Variants in NAV1 observed in about 807,000 individuals in gnomAD.
NAV1 encodes the protein neuron navigator 1.
NAV1 carries 18 observed loss-of-function variants against 175.2 expected under a neutral mutation model. The ratio of observed to expected loss-of-function variants is 0.10; its 90% CI spans 0.07 to 0.15. NAV1 has a LOEUF of 0.15. Ranked by LOEUF, NAV1 falls within the 10% of genes least tolerant of loss-of-function variation. The probability of loss-of-function intolerance (pLI) is 1.00; values close to 1 mark genes in which losing one functional copy is unlikely to be tolerated. For missense variants in NAV1, 1,731 were observed against 2,436.6 expected, an observed-to-expected ratio of 0.71 and a Z score of 6.10; for synonymous variants, 897 against 978.7, an observed-to-expected ratio of 0.92 and a Z score of 1.56.
exon 30 of NAV1, chr1:201,821,532 AC>A: frequency 6.6e-6 from 1 of 152,490 alleles, no homozygotes. Flanking sequence ...ACACACACAC[AC>A]ACACACACAC....
chr1:201,623,269 A>G (rs1477109787), exon 1 of NAV1: 19 of 985,934 alleles, frequency 1.9e-5, no homozygotes, highest in Non-Finnish European at 2.3e-5. Context: ...CACCCAGGGA[A>G]AGAAGAAAAA....
intron 1 of NAV1, among the ~76,000 whole-genome samples, chr1:201,708,835 G>T (rs1178476199): frequency 6.6e-6 from 1 of 152,200 alleles, no homozygotes; most frequent in East Asian, 1.9e-4. Context: ...AGCCTCCAGG[G>T]CATCTCAACT....
At chr1:201,821,505 G>GACAGAC (rs1417002342) in exon 30 of NAV1, 2 of 144,562 alleles carry the variant, frequency 1.4e-5, no homozygotes, top group African/African-American at 5.2e-5. Flanking sequence ...GGTTAAAACA[G>GACAGAC]ACACACACAC....
intron 1 of NAV1, among the ~76,000 whole-genome samples, chr1:201,624,239 A>G (rs1558023896): frequency 6.6e-6 from 1 of 151,888 alleles, no homozygotes; most frequent in Non-Finnish European, 1.5e-5. Context: ...TGGCCAGTCC[A>G]GTATTCACAA....
At chr1:201,629,725 A>G (rs1450629860) in intron 2 of NAV1, among the ~76,000 whole-genome samples, 1 of 152,204 alleles carries the variant, frequency 6.6e-6, no homozygotes, top group East Asian at 1.9e-4. Context: ...GGAAGTGGCC[A>G]GGGGATGCCC....
chr1:201,726,304 G>A (rs374831126), intron 3 of NAV1, among the ~76,000 whole-genome samples: 2 of 152,196 alleles, frequency 1.3e-5, no homozygotes, highest in East Asian at 1.9e-4. Flanking sequence ...AAATGGAAAA[G>A]AATAGTAAGA....
At chr1:201,625,276 G>T (rs550245699) in intron 1 of NAV1, among the ~76,000 whole-genome samples, 1 of 152,226 alleles carries the variant, frequency 6.6e-6, no homozygotes, top group African/African-American at 2.4e-5. Context: ...CTGTCATGTT[G>T]TAAGATGAAT....
chr1:201,544,554 T>C (rs1665612766), intron 1 of NAV1, among the ~76,000 whole-genome samples: 1 of 152,210 alleles, frequency 6.6e-6, no homozygotes, highest in Non-Finnish European at 1.5e-5. Context: ...GGGGCATTCC[T>C]GCAACACTAT....
At chr1:201,542,870 T>C (rs1174751650) in intron 1 of NAV1, among the ~76,000 whole-genome samples, 1 of 152,264 alleles carries the variant, frequency 6.6e-6, no homozygotes, top group Non-Finnish European at 1.5e-5. Context: ...TATCCAATCC[T>C]CAGATGCTCT....
chr1:201,563,284 G>A (rs1348661596), intron 1 of NAV1, among the ~76,000 whole-genome samples: 2 of 152,100 alleles, frequency 1.3e-5, no homozygotes, highest in Non-Finnish European at 2.9e-5. Flanking sequence ...TCCGGACGCC[G>A]GGACCCAGCC....
chr1:201,557,928 C>A (rs145016971), intron 1 of NAV1, among the ~76,000 whole-genome samples: 9 of 152,026 alleles, frequency 5.9e-5, no homozygotes, highest in Non-Finnish European at 1.2e-4. Flanking sequence ...TGGAACCCTG[C>A]GCAAGGGGCT....
At chr1:201,650,347 C>T (rs1262570952) in intron 1 of NAV1, among the ~76,000 whole-genome samples, 1 of 152,250 alleles carries the variant, frequency 6.6e-6, no homozygotes, top group African/African-American at 2.4e-5. Context: ...ATGTGCCGGA[C>T]GCCAGGCGGC....
intron 1 of NAV1, among the ~76,000 whole-genome samples, chr1:201,553,393 A>C (rs1268619609): frequency 2.0e-5 from 3 of 152,258 alleles, no homozygotes; most frequent in African/African-American, 7.2e-5. Context: ...ACAGAGCTTG[A>C]GCCAGATTTC....
At chr1:201,642,664 T>TCC in intron 2 of NAV1, among the ~76,000 whole-genome samples, 1 of 138,760 alleles carries the variant, frequency 7.2e-6, no homozygotes. Flanking sequence ...CTTCCTTCCC[T>TCC]TCCTTCCCTC....
In NAV1 at chr1:201,580,618, C is replaced by CA. The variant is rs559126925; in HGVS notation, c.-143-7915dup. 3.9e-5 allele frequency among the ~76,000 whole-genome samples: 6 copies of CA among 152,140 alleles called. No individual in the cohort carries two copies. The South Asian group carries it at 1.0e-3, about 26-fold the overall frequency. On this transcript the variant is annotated intron_variant, in intron 1 of 33. Transcript: ENST00000685211. ...TGAAACCCCGTCTCTGCTAAAAATACAAAAAATAGCTGGGCGTGGTGGCGC... is the reference window on the plus strand; with the variant it reads ...TGAAACCCCGTCTCTGCTAAAAATACAAAAAAATAGCTGGGCGTGGTGGCGC...
intron 3 of NAV1, among the ~76,000 whole-genome samples, chr1:201,748,772 G>A (rs950753776): frequency 6.6e-6 from 1 of 152,156 alleles, no homozygotes; most frequent in Non-Finnish European, 1.5e-5. Context: ...TGGGACCCTT[G>A]GGTTTGGTGT....
At chr1:201,818,291 G>A (rs1312016424) in intron 29 of NAV1, among the ~76,000 whole-genome samples, 1 of 152,084 alleles carries the variant, frequency 6.6e-6, no homozygotes, top group Non-Finnish European at 1.5e-5. Context: ...CACTTTGAGA[G>A]GCCAAGGCGG....
At chr1:201,543,816 G>A (rs987323784) in intron 1 of NAV1, among the ~76,000 whole-genome samples, 2 of 152,160 alleles carry the variant, frequency 1.3e-5, no homozygotes, top group Admixed American at 1.3e-4. Flanking sequence ...TCATTAAAGA[G>A]TAACTCTCCA....
chr1:201,772,781 C>A (rs542102237), intron 3 of NAV1, among the ~76,000 whole-genome samples: 64 of 152,166 alleles, frequency 4.2e-4, no homozygotes, highest in African/African-American at 1.5e-3. Flanking sequence ...TGCCTATAAT[C>A]CCAGCACTTT....
Sources: allele counts gnomAD v4.1 joint callset (sites outside exome capture counted in the v4.1 genomes callset), GRCh38; gene constraint gnomAD v4.1.1; transcripts MANE v1.5; gene names NCBI Gene and HGNC (gene_info 2026-07-23, HGNC 2026-07-21).